Variants in MACROD2 observed in about 807,000 individuals in gnomAD.
MACROD2 encodes the protein mono-ADP ribosylhydrolase 2.
MACROD2 carries 36 observed loss-of-function variants against 70.4 expected under a neutral mutation model. The observed-to-expected ratio is 0.51, with a 90% CI of 0.39 to 0.68. The LOEUF (loss-of-function observed/expected upper bound fraction) is 0.68, where lower values mean the gene tolerates loss of function less well. Ranked by LOEUF, MACROD2 falls within the 30% of genes least tolerant of loss-of-function variation. The pLI, the probability that MACROD2 is intolerant of heterozygous loss-of-function variation, is 0.00. For missense variants in MACROD2, 496 were observed against 538.4 expected, an observed-to-expected ratio of 0.92 and a Z score of 0.78; for synonymous variants, 172 against 178.8, an observed-to-expected ratio of 0.96 and a Z score of 0.30.
At chr20:15,792,588 A>G (rs1042457828) in intron 8 of MACROD2, among the ~76,000 whole-genome samples, 1 of 152,212 alleles carries the variant, frequency 6.6e-6, no homozygotes, top group Non-Finnish European at 1.5e-5. Context: ...AATTAAAGAA[A>G]GGCGAATAAA....
chr20:15,859,315 A>G (rs1329516780), intron 8 of MACROD2, among the ~76,000 whole-genome samples: 6 of 152,102 alleles, frequency 3.9e-5, no homozygotes, highest in Non-Finnish European at 8.8e-5. Flanking sequence ...CTTAACTTTT[A>G]CTGAAAAAAA....
chr20:15,196,673 A>T (rs2076608915), intron 5 of MACROD2, among the ~76,000 whole-genome samples: 1 of 152,180 alleles, frequency 6.6e-6, no homozygotes. Flanking sequence ...GGTTTTGGAT[A>T]TGTTTTTGAC....
At chr20:15,619,317 G>A (rs758538871) in intron 8 of MACROD2, among the ~76,000 whole-genome samples, 1 of 152,214 alleles carries the variant, frequency 6.6e-6, no homozygotes, top group Non-Finnish European at 1.5e-5. Context: ...CCCAAAGTTG[G>A]TTCAGCCTAC....
At chr20:15,067,232 C>T (rs1042474912) in intron 5 of MACROD2, among the ~76,000 whole-genome samples, 2 of 152,178 alleles carry the variant, frequency 1.3e-5, no homozygotes, top group African/African-American at 2.4e-5. Flanking sequence ...TTTAAATTTT[C>T]ACAGGCAAAT....
chr20:14,303,638 AT>A (rs1217610417), intron 3 of MACROD2, among the ~76,000 whole-genome samples: 17 of 152,164 alleles, frequency 1.1e-4, no homozygotes, highest in Admixed American at 1.0e-3. Context: ...CGTTTCCTTT[AT>A]AACTAGTACT....
At position 15,197,274 on chromosome 20, in the gene MACROD2, TA is replaced by T. The variant is rs1651310403; in HGVS notation, c.419-32665del. On this transcript the variant is annotated intron_variant, in intron 5 of 17. Transcript: ENST00000684519. ...CCAAAGGAGAAAATTTACTTTTCTA[TA>T]TTTTACACAAAAAGAGAATACTAGT... Among the ~76,000 whole-genome samples the T allele has an allele frequency of 2.0e-5, 3 of 152,274 alleles. No homozygotes were observed. In the South Asian group the frequency reaches 6.2e-4, roughly 32 times the overall value.
chr20:14,788,560 A>T (rs1454660637), intron 5 of MACROD2, among the ~76,000 whole-genome samples: 1 of 146,216 alleles, frequency 6.8e-6, no homozygotes, highest in Non-Finnish European at 1.5e-5. Flanking sequence ...GCCTGGGGCA[A>T]CCAAAGTGAG....
chr20:15,733,779 G>A (rs1229312802), intron 8 of MACROD2, among the ~76,000 whole-genome samples: 6 of 152,096 alleles, frequency 3.9e-5, no homozygotes, highest in Non-Finnish European at 5.9e-5. Context: ...CTGCAGAAAC[G>A]TTGTGTATTT....
At chr20:15,214,850 C>G (rs2076795355) in intron 5 of MACROD2, among the ~76,000 whole-genome samples, 1 of 152,146 alleles carries the variant, frequency 6.6e-6, no homozygotes, top group South Asian at 2.1e-4. Flanking sequence ...GCTGCGGCTT[C>G]AAAACACTAC....
chr20:15,519,810 G>A (rs994243336), intron 8 of MACROD2, among the ~76,000 whole-genome samples: 1 of 152,168 alleles, frequency 6.6e-6, no homozygotes, highest in Non-Finnish European at 1.5e-5. Context: ...TTTGCACTAG[G>A]TTGGAGAAAG....
chr20:14,330,529 G>A (rs1185129742), intron 3 of MACROD2, among the ~76,000 whole-genome samples: 1 of 152,022 alleles, frequency 6.6e-6, no homozygotes, highest in Non-Finnish European at 1.5e-5. Context: ...TGTGTTTCTG[G>A]TTCTCTCCAA....
In MACROD2 at chr20:15,510,822, C is replaced by A. The variant is rs144220567; in HGVS notation, c.645+10975C>A. ...GCCCAGTGACAGAAGGGCTGGCTAA[C>A]GTGCTGTCCTGCAATCAGTTATGTC... On this transcript the variant is annotated intron_variant, in intron 8 of 17. Coordinates refer to ENST00000684519, the MANE Select transcript of MACROD2 (RefSeq NM_001351661.2). Among the ~76,000 whole-genome samples the A allele has an allele frequency of 2.1e-3, 314 of 152,310 alleles. 2 individuals carry two copies. Among genetic ancestry groups the A allele is most frequent in the African/African-American group, 7.3e-3 (303 of 41,568 alleles).
chr20:14,907,070 T>C (rs1436355362), intron 5 of MACROD2, among the ~76,000 whole-genome samples: 4 of 152,124 alleles, frequency 2.6e-5, no homozygotes, highest in Non-Finnish European at 5.9e-5. Flanking sequence ...GTGGAAGAGT[T>C]TTCCATAAGA....
chr20:14,973,215 T>G (rs2074707477), intron 5 of MACROD2, among the ~76,000 whole-genome samples: 1 of 147,540 alleles, frequency 6.8e-6, no homozygotes, highest in Admixed American at 6.8e-5. Flanking sequence ...GCCTAAGAGG[T>G]GAGTAGTTGC....
At chr20:15,775,989 A>G (rs1277124028) in intron 8 of MACROD2, among the ~76,000 whole-genome samples, 2 of 152,204 alleles carry the variant, frequency 1.3e-5, no homozygotes, top group South Asian at 4.1e-4. Context: ...CAGGCCTGAT[A>G]TGTGAAACGT....
At chr20:16,016,746 T>C (rs895920803) in intron 15 of MACROD2, among the ~76,000 whole-genome samples, 6 of 152,128 alleles carry the variant, frequency 3.9e-5, no homozygotes, top group African/African-American at 1.4e-4. Flanking sequence ...ATGTTGGCCA[T>C]GCTGGTCTCG....
chr20:15,000,629 CAAAAAAAAAAAAAAAAA>C (rs398040701), intron 5 of MACROD2, among the ~76,000 whole-genome samples: 2 of 21,980 alleles, frequency 9.1e-5, no homozygotes, highest in Non-Finnish European at 6.9e-5. Flanking sequence ...GACTCCGTCT[CAAAAAAAAAAAAAAAAA>C]AAAAAAAAAA....
intron 5 of MACROD2, among the ~76,000 whole-genome samples, chr20:14,788,769 T>TTTC (rs2072408132): frequency 7.3e-6 from 1 of 137,500 alleles, no homozygotes; most frequent in Admixed American, 7.2e-5. Flanking sequence ...TGGTGTTTTT[T>TTTC]TTTTTTTTTT....
chr20:15,227,089 G>A (rs753986066), intron 5 of MACROD2, among the ~76,000 whole-genome samples: 3 of 152,154 alleles, frequency 2.0e-5, no homozygotes, highest in East Asian at 1.9e-4. Flanking sequence ...AATAACATTC[G>A]ATCTTGGATG....
Sources: allele counts gnomAD v4.1 joint callset (sites outside exome capture counted in the v4.1 genomes callset), GRCh38; gene constraint gnomAD v4.1.1; transcripts MANE v1.5; gene names NCBI Gene and HGNC (gene_info 2026-07-23, HGNC 2026-07-21).